The following TTC13 variants were observed in gnomAD, a reference collection of about 807,000 sequenced individuals.
The protein encoded by TTC13 is tetratricopeptide repeat protein 13.
A neutral mutation model predicts 120.0 loss-of-function variants in TTC13; 62 were observed. The observed-to-expected ratio is 0.52, with a 90% CI of 0.42 to 0.64. TTC13 has a LOEUF of 0.64. Among genes scored for constraint, TTC13 ranks in the 30% least tolerant of loss-of-function variants. The pLI is 0.00. For synonymous variants in TTC13, 384 were observed against 393.5 expected (o/e 0.98, Z 0.28); for missense variants, 824 against 1,050.2 (o/e 0.78, Z 2.98).
intron 8 of TTC13, chr1:230,936,392 C>T (rs1674059976): frequency 2.6e-6 from 1 of 379,210 alleles, no homozygotes; most frequent in Admixed American, 3.2e-5. Context: ...AATGCCATCC[C>T]ACCATTTTCA....
chr1:230,931,534 C>A lies in TTC13; in HGVS notation c.1126-62G>T. The A allele has an allele frequency of 1.9e-6, 3 of 1,574,416 alleles. No individual in the cohort carries two copies. In the South Asian group the frequency reaches 3.5e-5, roughly 18 times the overall value. On this transcript the variant is annotated intron_variant, in intron 10 of 22. Transcript: ENST00000366661. ...TAGGAAAACTTTGAAATGCTTTATT[C>A]TTTACTCTGGAATTAGTTTTCCCTC...
In TTC13 at chr1:230,921,424, T is replaced by C. The variant is rs1672564854; in HGVS notation, c.1895A>G (p.His632Arg). The C allele has an allele frequency of 6.8e-7, 1 of 1,468,344 alleles. No homozygotes were observed. Among genetic ancestry groups the C allele is most frequent in the Non-Finnish European group, 9.4e-7 (1 of 1,066,186 alleles). The allele number at this position is 1,468,344 out of a possible 1,614,324, so 91.0% of individuals were successfully genotyped here. Residue 632 changes from histidine (H) to arginine (R), a missense_variant, in exon 16 of 23, where the codon CAT becomes CGT. Coordinates refer to ENST00000366661, the MANE Select transcript of TTC13 (RefSeq NM_024525.5). Reference protein sequence around the residue: ...HFIKDRILVYHGANNPKGLLE... With the variant: ...HFIKDRILVYRGANNPKGLLE... ...AAGGAGAAAATTAAAGGCTTACCCA[T>C]GATAAACAAGAATTCTGTCTTTAAT...
intron 20 of TTC13, 32 bp from the exon 21 acceptor site, chr1:230,909,052 C>A (rs759939786): frequency 6.3e-7 from 1 of 1,583,396 alleles, no homozygotes; most frequent in Non-Finnish European, 8.7e-7. Flanking sequence ...GTCAATCCAT[C>A]CTGGACGGTC....
intron 9 of TTC13, 80 bp downstream of exon 9, chr1:230,933,699 C>A: frequency 2.7e-6 from 2 of 738,246 alleles, no homozygotes; most frequent in Admixed American, 2.6e-5. Flanking sequence ...AATACTATTT[C>A]TTTTAAATAT....
At chr1:230,932,934 C>G (rs1199749167) in intron 9 of TTC13, among the ~76,000 whole-genome samples, 2 of 152,184 alleles carry the variant, frequency 1.3e-5, no homozygotes, top group Non-Finnish European at 2.9e-5. Flanking sequence ...TGAGCTCCTT[C>G]ACTCATGCCA....
intron 12 of TTC13, among the ~76,000 whole-genome samples, chr1:230,926,716 A>G (rs1673084581): frequency 6.6e-6 from 1 of 152,230 alleles, no homozygotes; most frequent in African/African-American, 2.4e-5. Context: ...GTTCGAGAAC[A>G]TGCATAATCT....
At chr1:230,925,238 C>T (rs1203466404) in intron 13 of TTC13, among the ~76,000 whole-genome samples, 5 of 152,176 alleles carry the variant, frequency 3.3e-5, no homozygotes, top group Non-Finnish European at 7.3e-5. Flanking sequence ...TTCCTCACTC[C>T]TATAGTAAGG....
At chr1:230,913,675 G>C (rs963844223) in intron 18 of TTC13, among the ~76,000 whole-genome samples, 2 of 152,192 alleles carry the variant, frequency 1.3e-5, no homozygotes, top group Non-Finnish European at 2.9e-5. Context: ...CCATGACTCA[G>C]GTCATAATGT....
Position 230,943,863 on chromosome 1 carries a change from C to T in TTC13, c.615G>A (p.Leu205=). The T allele has an allele frequency of 6.2e-7, 1 of 1,611,752 alleles. No homozygotes were observed. The highest frequency in any genetic ancestry group is 8.5e-7 in the Non-Finnish European group (1 of 1,178,410). Residue 205 remains leucine, a synonymous_variant, in exon 6 of 23, where the codon CTG becomes CTA. Coordinates refer to ENST00000366661, the MANE Select transcript of TTC13 (RefSeq NM_024525.5). The part of the protein sequence containing the change: ...IKNAELALFE[L]SRVITLEPDR... ...CTGGTTCCAAGGTAATTACTCGGCT[C>T]AGTTCGAACAGAGCAAGCTCAGCAT...
chr1:230,962,434 C>G (rs1172139484), intron 1 of TTC13, among the ~76,000 whole-genome samples: 1 of 151,920 alleles, frequency 6.6e-6, no homozygotes, highest in Non-Finnish European at 1.5e-5. Flanking sequence ...ATGGCTATAA[C>G]CAAAAAGCAG....
chr1:230,932,808 C>T (rs1271698833), intron 9 of TTC13, among the ~76,000 whole-genome samples: 1 of 152,140 alleles, frequency 6.6e-6, no homozygotes, highest in African/African-American at 2.4e-5. Flanking sequence ...AATAAAGGGA[C>T]TTTCCGTCGC....
intron 9 of TTC13, among the ~76,000 whole-genome samples, chr1:230,932,199 T>C (rs944259364): frequency 1.3e-5 from 2 of 152,090 alleles, no homozygotes; most frequent in Non-Finnish European, 2.9e-5. Context: ...TGTTAATATA[T>C]GGATAGAAAC....
At chr1:230,916,134 G>C (rs760599682) in intron 18 of TTC13, 59 bp downstream of exon 18, 1 of 1,271,576 alleles carries the variant, frequency 7.9e-7, no homozygotes, top group Non-Finnish European at 1.2e-6. Context: ...GTGACAATAA[G>C]CACAGGCACC....
At chr1:230,916,841 C>T (rs1180994254) in intron 17 of TTC13, among the ~76,000 whole-genome samples, 2 of 152,178 alleles carry the variant, frequency 1.3e-5, no homozygotes, top group Admixed American at 6.5e-5. Flanking sequence ...AAGAATTACT[C>T]GGAGTTAAGA....
At chr1:230,923,270 TGAA>T (rs1464036593) in intron 15 of TTC13, among the ~76,000 whole-genome samples, 8 of 151,812 alleles carry the variant, frequency 5.3e-5, no homozygotes, top group Non-Finnish European at 1.5e-5. Context: ...AAAGAAAGAG[TGAA>T]GAAGTGAGCA....
At chr1:230,965,767 T>A (rs1041565795) in intron 1 of TTC13, among the ~76,000 whole-genome samples, 1 of 152,180 alleles carries the variant, frequency 6.6e-6, no homozygotes, top group Non-Finnish European at 1.5e-5. Flanking sequence ...GACCTCAGCA[T>A]CCCTAGTAGC....
In TTC13 at chr1:230,954,268, T is replaced by C. The variant is rs959795907; in HGVS notation, c.513+65A>G. 91 of 1,145,242 alleles carry C rather than the reference T, an allele frequency of 7.9e-5. No homozygotes were observed. The Middle Eastern group carries it at 1.2e-3, about 15-fold the overall frequency. The allele number at this position is 1,145,242 out of a possible 1,614,324, so 70.9% of individuals were successfully genotyped here. A position where few individuals can be genotyped will look rare whatever the true frequency, so the allele number is the denominator to read the frequency against. On this transcript the variant is annotated intron_variant, in intron 4 of 22. Transcript: ENST00000366661. ...ATGTCGTATTACAGCACTTCAGCTG[T>C]TCATTAGTCCATATTTTTGTCATGA...
At chr1:230,956,591 A>G in intron 3 of TTC13, 1 of 391,648 alleles carries the variant, frequency 2.6e-6, no homozygotes, top group South Asian at 1.9e-5. Context: ...TCAATGAGCC[A>G]TAAAAACAAA....
At chr1:230,947,076 A>T (rs1675070736) in intron 4 of TTC13, among the ~76,000 whole-genome samples, 1 of 152,136 alleles carries the variant, frequency 6.6e-6, no homozygotes, top group Non-Finnish European at 1.5e-5. Context: ...TTTTTAAAAC[A>T]GACATGCTCA....
Sources: allele counts gnomAD v4.1 joint callset (sites outside exome capture counted in the v4.1 genomes callset), GRCh38; gene constraint gnomAD v4.1.1; transcripts MANE v1.5; gene names NCBI Gene and HGNC (gene_info 2026-07-23, HGNC 2026-07-21).